Variants in CHSY1 observed in about 807,000 individuals in gnomAD.
CHSY1 encodes the protein N-acetylgalactosaminyl-proteoglycan 3-beta-glucuronosyltransferase 1.
A neutral mutation model predicts 59.8 loss-of-function variants in CHSY1; 13 were observed. The observed-to-expected ratio is 0.22, with a 90% CI of 0.14 to 0.35. The LOEUF is 0.35. Among genes scored for constraint, CHSY1 ranks in the 10% least tolerant of loss-of-function variants. CHSY1 has a pLI of 1.00. For synonymous variants in CHSY1, 459 were observed against 401.2 expected (o/e 1.14, Z -1.72); for missense variants, 947 against 1,030.6 (o/e 0.92, Z 1.11).
At chr15:101,250,974 C>T (rs992334899) in intron 1 of CHSY1, among the ~76,000 whole-genome samples, 163 bp downstream of exon 1, 3 of 152,202 alleles carry the variant, frequency 2.0e-5, no homozygotes, top group Non-Finnish European at 4.4e-5. Flanking sequence ...CGCCTCTGAT[C>T]TTTTCTCCCT....
intron 2 of CHSY1, among the ~76,000 whole-genome samples, chr15:101,223,271 A>C (rs1029110559): frequency 6.6e-6 from 1 of 152,242 alleles, no homozygotes; most frequent in Non-Finnish European, 1.5e-5. Context: ...CTAGGATGAC[A>C]TGAGCCACCA....
At chr15:101,217,297 C>T (rs2038743742) in intron 2 of CHSY1, among the ~76,000 whole-genome samples, 1 of 152,072 alleles carries the variant, frequency 6.6e-6, no homozygotes, top group Non-Finnish European at 1.5e-5. Flanking sequence ...TTCATGCTAT[C>T]AATTCATGCT....
At chr15:101,210,556 A>C (rs58249083) in intron 2 of CHSY1, among the ~76,000 whole-genome samples, 1,666 of 152,336 alleles carry the variant, frequency 0.011, 28 homozygotes, top group African/African-American at 0.037. Flanking sequence ...ATAATCAAGA[A>C]GACTGCGAAA....
At chr15:101,204,073 T>G (rs376313663) in intron 2 of CHSY1, among the ~76,000 whole-genome samples, 1 of 152,306 alleles carries the variant, frequency 6.6e-6, no homozygotes, top group East Asian at 1.9e-4. Context: ...ACCTTGTTCT[T>G]AGGAAATACA....
At chr15:101,189,581 G>A (rs1290932252) in intron 2 of CHSY1, 1 of 449,312 alleles carries the variant, frequency 2.2e-6, no homozygotes, top group Non-Finnish European at 2.9e-6. Context: ...TCAAGTGAGA[G>A]AGAAAGGGAA....
At chr15:101,209,409 C>T (rs1365539810) in intron 2 of CHSY1, among the ~76,000 whole-genome samples, 3 of 152,046 alleles carry the variant, frequency 2.0e-5, no homozygotes, top group Non-Finnish European at 2.9e-5. Flanking sequence ...AAATGCCATC[C>T]GTTTTAATAA....
intron 2 of CHSY1, among the ~76,000 whole-genome samples, chr15:101,221,280 G>C (rs1393420373): frequency 6.6e-6 from 1 of 152,196 alleles, no homozygotes; most frequent in Non-Finnish European, 1.5e-5. Context: ...GATCACTTGA[G>C]ATCAGAAGTT....
At chr15:101,224,078 G>C (rs1466342833) in intron 2 of CHSY1, among the ~76,000 whole-genome samples, 2 of 152,242 alleles carry the variant, frequency 1.3e-5, no homozygotes, top group Non-Finnish European at 2.9e-5. Flanking sequence ...GTACAGGTTT[G>C]TAGCCTAGGA....
intron 2 of CHSY1, among the ~76,000 whole-genome samples, chr15:101,202,780 G>A (rs913568945): frequency 5.3e-5 from 8 of 152,182 alleles, no homozygotes; most frequent in Admixed American, 5.2e-4. Flanking sequence ...TTTGGGAGAG[G>A]TGGTTAAGAC....
At chr15:101,237,008 AGGAGTT>A (rs899580274) in intron 1 of CHSY1, among the ~76,000 whole-genome samples, 5 of 151,566 alleles carry the variant, frequency 3.3e-5, no homozygotes, top group African/African-American at 1.2e-4. Flanking sequence ...TCACAAGGTC[AGGAGTT>A]CAAGACCAGC....
At chr15:101,227,798 C>G (rs1480877192) in intron 2 of CHSY1, among the ~76,000 whole-genome samples, 2 of 152,216 alleles carry the variant, frequency 1.3e-5, no homozygotes, top group Non-Finnish European at 2.9e-5. Flanking sequence ...AAGGAAATCT[C>G]TGTCCAGTCA....
Position 101,251,347 on chromosome 15 carries a change from G to T in CHSY1, c.110C>A (p.Ala37Glu). ...GGGGCTGGCGCGGCGCCGTGGGCCC[G>T]CTCGCTTCAGCTCGGAAGCCCGGGG... ...VLPRASELKRAGPRRRASPEG... is the reference protein window; with the variant it reads ...VLPRASELKREGPRRRASPEG... The change falls in exon 1 of 3, where the codon GCG becomes GAG. Residue 37 changes from alanine (A) to glutamate (E), a missense_variant. Ala to Glu is a moderately radical substitution (Grantham distance 107). Coordinates refer to ENST00000254190, the MANE Select transcript of CHSY1 (RefSeq NM_014918.5). 9 of 1,142,078 alleles carry T rather than the reference G, an allele frequency of 7.9e-6. No homozygotes were observed. Among genetic ancestry groups the T allele is most frequent in the Non-Finnish European group, 9.8e-6 (9 of 914,836 alleles). The allele number at this position is 1,142,078 out of a possible 1,614,324, so 70.7% of individuals were successfully genotyped here.
chr15:101,235,664 C>T (rs1416947591), intron 1 of CHSY1, 87 bp from the exon 2 acceptor site: 27 of 1,433,426 alleles, frequency 1.9e-5, no homozygotes, highest in Middle Eastern at 3.6e-4. Flanking sequence ...CTTGTATCGC[C>T]GTGTTCAATG....
intron 2 of CHSY1, among the ~76,000 whole-genome samples, chr15:101,216,576 G>C (rs1265919522): frequency 2.0e-5 from 3 of 152,182 alleles, no homozygotes; most frequent in Non-Finnish European, 4.4e-5. Flanking sequence ...GCCACACAGA[G>C]GCATGGATGA....
At chr15:101,188,198 G>A (rs1014115193) in intron 2 of CHSY1, 2 of 985,414 alleles carry the variant, frequency 2.0e-6, no homozygotes, top group Non-Finnish European at 2.4e-6. Flanking sequence ...TTACAGAGAA[G>A]TGGTTTTCTC....
At chr15:101,188,263 G>C (rs1036544173) in intron 2 of CHSY1, 59 of 888,340 alleles carry the variant, frequency 6.6e-5, no homozygotes, top group Non-Finnish European at 7.5e-5. Flanking sequence ...TAAATGTCAA[G>C]AGACCGTAAC....
intron 2 of CHSY1, among the ~76,000 whole-genome samples, chr15:101,215,473 G>A (rs1468490707): frequency 2.6e-5 from 4 of 152,310 alleles, no homozygotes; most frequent in African/African-American, 4.8e-5. Context: ...GGTGGCTCAC[G>A]CCTGTAATCC....
chr15:101,198,053 G>A (rs906130522), intron 2 of CHSY1, among the ~76,000 whole-genome samples: 1 of 152,124 alleles, frequency 6.6e-6, no homozygotes, highest in Non-Finnish European at 1.5e-5. Context: ...TGTGGTGACA[G>A]ACTGTGGTCT....
intron 2 of CHSY1, among the ~76,000 whole-genome samples, chr15:101,224,339 G>C (rs2038818387): frequency 6.6e-6 from 1 of 152,202 alleles, no homozygotes; most frequent in African/African-American, 2.4e-5. Context: ...ATGACTGGGG[G>C]CATTTGTGTG....
Sources: gnomAD v4.1 joint callset for allele counts (sites outside exome capture counted in the v4.1 genomes callset) on GRCh38, gnomAD v4.1.1 for gene constraint, MANE v1.5 for transcripts, NCBI Gene and HGNC (gene_info 2026-07-23, HGNC 2026-07-21) for gene names.